MGAT4C: variants seen among roughly 807,000 people sequenced by gnomAD.
MGAT4C encodes the protein alpha-1,3-mannosyl-glycoprotein 4-beta-N-acetylglucosaminyltransferase C.
Under a neutral mutation model 40.1 loss-of-function variants are expected in MGAT4C, and 19 were observed. The ratio of observed to expected loss-of-function variants is 0.47; its 90% CI spans 0.33 to 0.70. The LOEUF (loss-of-function observed/expected upper bound fraction) is 0.70. Ranked by LOEUF, MGAT4C falls within the 30% of genes least tolerant of loss-of-function variation. MGAT4C has a pLI of 0.02. For synonymous variants in MGAT4C, 181 were observed against 187.1 expected (o/e 0.97, Z 0.27); for missense variants, 491 against 563.2 (o/e 0.87, Z 1.30).
At chr12:86,292,838 GTT>G (rs78014269) in intron 4 of MGAT4C, among the ~76,000 whole-genome samples, 7 of 139,794 alleles carry the variant, frequency 5.0e-5, no homozygotes, top group South Asian at 2.3e-4. Context: ...AGAAATGACT[GTT>G]TTTTTTTTTT....
At chr12:86,162,100 A>G (rs1005802843) in intron 1 of MGAT4C, among the ~76,000 whole-genome samples, 1 of 152,184 alleles carries the variant, frequency 6.6e-6, no homozygotes, top group Non-Finnish European at 1.5e-5. Flanking sequence ...TTCACAAATA[A>G]CTTAAAACAG....
At chr12:86,765,695 G>A (rs1951492990) in intron 1 of MGAT4C, among the ~76,000 whole-genome samples, 1 of 152,178 alleles carries the variant, frequency 6.6e-6, no homozygotes, top group Non-Finnish European at 1.5e-5. Flanking sequence ...AGCCAGAAGA[G>A]AGTGGGGGCC....
intron 1 of MGAT4C, among the ~76,000 whole-genome samples, chr12:86,817,129 C>T (rs1566011702): frequency 6.6e-6 from 1 of 150,490 alleles, no homozygotes; most frequent in Admixed American, 6.6e-5. Flanking sequence ...ATTCTTTTTT[C>T]ATGATATAAA....
chr12:86,511,728 A>C (rs1958591147), intron 2 of MGAT4C, among the ~76,000 whole-genome samples: 1 of 152,172 alleles, frequency 6.6e-6, no homozygotes, highest in South Asian at 2.1e-4. Context: ...TGTTTCTTGC[A>C]CCGCACACAC....
chr12:86,236,029 T>C (rs186571601), intron 1 of MGAT4C, among the ~76,000 whole-genome samples: 18 of 152,232 alleles, frequency 1.2e-4, no homozygotes, highest in Admixed American at 2.6e-4. Context: ...CAAAAATCTG[T>C]ATTTTTTTCT....
At chr12:86,141,023 T>C (rs1882763218) in intron 1 of MGAT4C, among the ~76,000 whole-genome samples, 2 of 152,182 alleles carry the variant, frequency 1.3e-5, no homozygotes, top group South Asian at 4.1e-4. Context: ...AAAGGTGAAA[T>C]GTGCTCATTC....
At chr12:86,061,222 G>C (rs549037726) in intron 1 of MGAT4C, among the ~76,000 whole-genome samples, 30 of 152,142 alleles carry the variant, frequency 2.0e-4, no homozygotes, top group Non-Finnish European at 4.3e-4. Context: ...GCTGAAGCAG[G>C]GTGGGGCATC....
intron 3 of MGAT4C, among the ~76,000 whole-genome samples, chr12:86,362,965 A>G (rs1465700938): frequency 6.6e-6 from 1 of 152,112 alleles, no homozygotes; most frequent in Middle Eastern, 3.2e-3. Context: ...GGCAAACAAT[A>G]TAAAGACCAA....
At chr12:86,325,454 T>C (rs1276536141) in intron 4 of MGAT4C, among the ~76,000 whole-genome samples, 1 of 152,192 alleles carries the variant, frequency 6.6e-6, no homozygotes, top group Admixed American at 6.6e-5. Flanking sequence ...CATTTCTAAT[T>C]TTGCAATCAA....
intron 1 of MGAT4C, among the ~76,000 whole-genome samples, chr12:86,766,294 G>C (rs925598521): frequency 6.6e-6 from 1 of 152,062 alleles, no homozygotes; most frequent in East Asian, 1.9e-4. Context: ...ATGGTAAAGG[G>C]ATCAATTCAA....
intron 1 of MGAT4C, among the ~76,000 whole-genome samples, chr12:86,072,220 A>AT: frequency 6.6e-6 from 1 of 152,038 alleles, no homozygotes. Context: ...AGTAAAACAC[A>AT]TTTTTCCCTA....
intron 2 of MGAT4C, among the ~76,000 whole-genome samples, chr12:86,510,521 C>T (rs1228353342): frequency 1.3e-5 from 2 of 152,086 alleles, no homozygotes; most frequent in Non-Finnish European, 2.9e-5. Flanking sequence ...GGGCTAAATG[C>T]TCCAATTAAA....
chr12:86,361,179 C>A (rs139245290), intron 3 of MGAT4C, among the ~76,000 whole-genome samples: 14 of 152,210 alleles, frequency 9.2e-5, no homozygotes, highest in African/African-American at 3.1e-4. Context: ...AGAAATAATA[C>A]CACACATCTA....
At chr12:86,757,287 G>A (rs1435841668) in intron 1 of MGAT4C, among the ~76,000 whole-genome samples, 1 of 152,052 alleles carries the variant, frequency 6.6e-6, no homozygotes, top group African/African-American at 2.4e-5. Context: ...GATGGGTGCA[G>A]CAAACCATCA....
At position 86,309,052 on chromosome 12, in the gene MGAT4C, T is replaced by G. The variant is rs1954008046; in HGVS notation, c.-57+25013A>C. ...ACCCATTCTGCTTCCATAATAATGA[T>G]AAGGTCTGATTCTATCAAAAAATTC... is the stretch of plus-strand genomic sequence containing the variant. On this transcript the variant is annotated intron_variant, in intron 4 of 7. Coordinates refer to the MGAT4C transcript ENST00000548651. 2.0e-5 allele frequency among the ~76,000 whole-genome samples: 3 copies of G among 150,592 alleles called. 1 individual carries two copies. The highest frequency in any genetic ancestry group is 7.5e-5 in the African/African-American group (3 of 39,968).
chr12:86,086,524 T>C (rs2135556791), intron 1 of MGAT4C, among the ~76,000 whole-genome samples: 1 of 152,150 alleles, frequency 6.6e-6, no homozygotes, highest in Admixed American at 6.6e-5. Context: ...TCCCAGAACT[T>C]AAAGTATAGT....
chr12:86,769,377 G>T (rs1439247280), intron 1 of MGAT4C, among the ~76,000 whole-genome samples: 1 of 152,064 alleles, frequency 6.6e-6, no homozygotes, highest in Admixed American at 6.6e-5. Flanking sequence ...AGGTGCTGGA[G>T]AGGATGTGGA....
At chr12:86,314,339 G>A (rs1332952884) in intron 4 of MGAT4C, among the ~76,000 whole-genome samples, 9 of 152,108 alleles carry the variant, frequency 5.9e-5, no homozygotes, top group Non-Finnish European at 1.0e-4. Context: ...GGCAGATCAC[G>A]AGGTCAAGAG....
In MGAT4C at chr12:86,163,367, A is replaced by T. The variant is rs73380884; in HGVS notation, c.-57+92872T>A. Among the ~76,000 whole-genome samples, 495 of 152,026 alleles carry T rather than the reference A, an allele frequency of 3.3e-3. 2 individuals are homozygous for T. The highest frequency in any genetic ancestry group is 0.012 in the African/African-American group (483 of 41,498). On this transcript the variant is annotated intron_variant, in intron 1 of 4. Transcript: ENST00000611864. ...CCACCATGTTAGGCCAATTTTAAAA[A>T]CTTTTTGTAGAGACAGGTCTTGCTA...
Sources: allele counts gnomAD v4.1 joint callset (sites outside exome capture counted in the v4.1 genomes callset), GRCh38; gene constraint gnomAD v4.1.1; transcripts MANE v1.5; gene names NCBI Gene and HGNC (gene_info 2026-07-23, HGNC 2026-07-21).